Variants in ZFPM2 observed in about 807,000 individuals in gnomAD.
The protein encoded by ZFPM2 is zinc finger protein ZFPM2.
ZFPM2 carries 20 observed loss-of-function variants against 98.6 expected under a neutral mutation model. The observed-to-expected ratio is 0.20, with a 90% CI of 0.14 to 0.29. The LOEUF is 0.29. Ranked by LOEUF, ZFPM2 falls within the 10% of genes least tolerant of loss-of-function variation. The probability of loss-of-function intolerance (pLI) is 1.00; values close to 1 mark genes in which losing one functional copy is unlikely to be tolerated. For synonymous variants in ZFPM2, 518 were observed against 502.7 expected (o/e 1.03, Z -0.41); for missense variants, 1,310 against 1,388.6 (o/e 0.94, Z 0.90).
At chr8:105,553,987 C>A (rs1232813984) in intron 3 of ZFPM2, among the ~76,000 whole-genome samples, 3 of 152,112 alleles carry the variant, frequency 2.0e-5, no homozygotes, top group African/African-American at 7.2e-5. Flanking sequence ...CACTGCATGG[C>A]CAGCCTGATT....
chr8:105,361,802 C>T (rs1466693228), intron 1 of ZFPM2, among the ~76,000 whole-genome samples: 1 of 151,262 alleles, frequency 6.6e-6, no homozygotes, highest in Non-Finnish European at 1.5e-5. Flanking sequence ...ATGGTGGTCC[C>T]ATAAGATAAT....
chr8:105,426,543 A>C (rs1243353217), intron 2 of ZFPM2, among the ~76,000 whole-genome samples: 3 of 152,130 alleles, frequency 2.0e-5, no homozygotes, highest in Non-Finnish European at 4.4e-5. Context: ...TCCTGGATTC[A>C]GTACTTCTTC....
At chr8:105,772,511 C>G (rs1486935006) in intron 5 of ZFPM2, among the ~76,000 whole-genome samples, 1 of 152,114 alleles carries the variant, frequency 6.6e-6, no homozygotes, top group Non-Finnish European at 1.5e-5. Context: ...GGAAGGAAAA[C>G]AGAAGAATGT....
At chr8:105,678,645 G>A (rs1481515981) in intron 5 of ZFPM2, 2 of 152,094 alleles carry the variant, frequency 1.3e-5, no homozygotes, top group Admixed American at 1.3e-4. Flanking sequence ...ATTGCTATAT[G>A]GTAATTTTAA....
intron 5 of ZFPM2, among the ~76,000 whole-genome samples, chr8:105,743,515 A>T (rs1210699119): frequency 1.3e-5 from 2 of 152,024 alleles, no homozygotes; most frequent in East Asian, 3.9e-4. Context: ...CAGGGTCCTG[A>T]TCTCTTCACT....
At chr8:105,756,210 G>C (rs1309677765) in intron 5 of ZFPM2, among the ~76,000 whole-genome samples, 1 of 152,138 alleles carries the variant, frequency 6.6e-6, no homozygotes, top group African/African-American at 2.4e-5. Flanking sequence ...CCTTAAGGTG[G>C]GTGAGAGCCA....
At chr8:105,566,122 T>C (rs1815238617) in intron 4 of ZFPM2, among the ~76,000 whole-genome samples, 1 of 152,184 alleles carries the variant, frequency 6.6e-6, no homozygotes, top group Non-Finnish European at 1.5e-5. Flanking sequence ...GAGGGCAGTC[T>C]GTTTTACCCA....
rs1812893365 is a variant in ZFPM2, at chr8:105,471,048, C to T, written c.301+26667C>T. Among the ~76,000 whole-genome samples, 6 of 152,028 alleles carry T rather than the reference C, an allele frequency of 3.9e-5. No individual in the cohort carries two copies. The South Asian group carries it at 8.3e-4, about 21-fold the overall frequency. ...TTACATATTGAAAATCTTTTTTCTG[C>T]AGGTCTCATTAGAAATAGTTTCTGA... On this transcript the variant is annotated intron_variant, in intron 3 of 7. Transcript: ENST00000407775.
chr8:105,573,512 G>A (rs141654215), intron 4 of ZFPM2, among the ~76,000 whole-genome samples: 80 of 152,278 alleles, frequency 5.3e-4, no homozygotes, highest in Middle Eastern at 3.4e-3. Flanking sequence ...ATGCTATACA[G>A]CATCATAACC....
At chr8:105,583,833 G>A (rs1031752030) in intron 4 of ZFPM2, among the ~76,000 whole-genome samples, 1 of 152,178 alleles carries the variant, frequency 6.6e-6, no homozygotes, top group African/African-American at 2.4e-5. Flanking sequence ...TCAGTACTCT[G>A]AACTGAACCT....
intron 3 of ZFPM2, among the ~76,000 whole-genome samples, chr8:105,541,955 A>C (rs1009085014): frequency 3.3e-5 from 5 of 152,152 alleles, no homozygotes; most frequent in African/African-American, 9.6e-5. Flanking sequence ...GAAATAAAGC[A>C]ATATTTGAAG....
At chr8:105,752,567 G>C (rs749544896) in intron 5 of ZFPM2, among the ~76,000 whole-genome samples, 9 of 152,082 alleles carry the variant, frequency 5.9e-5, no homozygotes, top group Non-Finnish European at 1.3e-4. Flanking sequence ...TGTCAACGTA[G>C]AACACTTAAA....
intron 2 of ZFPM2, among the ~76,000 whole-genome samples, chr8:105,440,440 C>T (rs1056001616): frequency 6.6e-6 from 1 of 151,856 alleles, no homozygotes; most frequent in African/African-American, 2.4e-5. Context: ...ATATTACATA[C>T]ATGGTGACTG....
intron 5 of ZFPM2, among the ~76,000 whole-genome samples, chr8:105,666,179 C>G (rs1283827301): frequency 1.3e-5 from 2 of 152,110 alleles, no homozygotes; most frequent in African/African-American, 4.8e-5. Context: ...TTGTGACAAG[C>G]CATGGTTGAG....
intron 6 of ZFPM2, 85 bp from the exon 7 acceptor site, chr8:105,798,639 A>C (rs1813903644): frequency 8.3e-7 from 1 of 1,208,868 alleles, no homozygotes; most frequent in Non-Finnish European, 1.2e-6. Flanking sequence ...GCGGAGTCTG[A>C]GAAAAATTGA....
chr8:105,382,860 C>G (rs906889663), intron 1 of ZFPM2, among the ~76,000 whole-genome samples: 1 of 152,038 alleles, frequency 6.6e-6, no homozygotes, highest in Non-Finnish European at 1.5e-5. Flanking sequence ...ATAATATTTG[C>G]ACCTCATCTT....
At chr8:105,580,201 G>A (rs763882212) in intron 4 of ZFPM2, among the ~76,000 whole-genome samples, 10 of 152,132 alleles carry the variant, frequency 6.6e-5, no homozygotes, top group Non-Finnish European at 1.2e-4. Flanking sequence ...GCTGATAACA[G>A]CTACTGTTGT....
rs117645675 is a variant in ZFPM2 at position 105,626,078 on chromosome 8, G to A, written c.421-8168G>A. Among the ~76,000 whole-genome samples the A allele has an allele frequency of 2.5e-3, 376 of 151,912 alleles. 1 individual carries two copies. The highest frequency in any genetic ancestry group is 4.6e-3 in the Non-Finnish European group (314 of 67,950). ...TAGCATCAAGTGCAAACTTTCACTC[G>A]GTTTAACTTTCAAAAGCTTAACTTA... On this transcript the variant is annotated intron_variant, in intron 4 of 7. Transcript: ENST00000407775.
chr8:105,600,914 A>G (rs1490906460), intron 4 of ZFPM2, among the ~76,000 whole-genome samples: 4 of 152,096 alleles, frequency 2.6e-5, no homozygotes, highest in Non-Finnish European at 5.9e-5. Context: ...TTACATATTC[A>G]CTATGAATAT....
Sources: gnomAD v4.1 joint callset for allele counts (sites outside exome capture counted in the v4.1 genomes callset) on GRCh38, gnomAD v4.1.1 for gene constraint, MANE v1.5 for transcripts, NCBI Gene and HGNC (gene_info 2026-07-23, HGNC 2026-07-21) for gene names.